The following GTF2I variants were observed in gnomAD, a reference collection of about 807,000 sequenced individuals.
The protein encoded by GTF2I is general transcription factor IIi.
GTF2I carries 12 observed loss-of-function variants against 67.6 expected under a neutral mutation model. The ratio of observed to expected loss-of-function variants is 0.18; its 90% CI spans 0.11 to 0.29. The LOEUF (loss-of-function observed/expected upper bound fraction) is 0.29, where lower values mean the gene tolerates loss of function less well. Ranked by LOEUF, GTF2I falls within the 10% of genes least tolerant of loss-of-function variation. GTF2I has a pLI of 1.00. For missense variants in GTF2I, 271 were observed against 580.1 expected (o/e 0.47, Z 5.47); for synonymous variants, 149 against 197.0 (o/e 0.76, Z 2.04).
intron 9 of GTF2I, among the ~76,000 whole-genome samples, chr7:74,712,879 A>G (rs1554402898): frequency 6.6e-6 from 1 of 152,184 alleles, no homozygotes; most frequent in East Asian, 1.9e-4. Flanking sequence ...GTTCTTCTAC[A>G]TAAAGACATT....
chr7:74,689,208 T>C lies in GTF2I; in HGVS notation c.80T>C (p.Met27Thr), dbSNP rs782199279. Residue 27 changes from methionine to threonine, a missense_variant, in exon 2 of 35, where the codon ATG (methionine) becomes ACG (threonine). Met to Thr is a moderately conservative substitution (Grantham distance 81, BLOSUM62 -1). Transcript: ENST00000573035. The part of the protein sequence containing the change: ...SESRMVVTFL[M>T]SALESMCKEL... ...AGCAGGATGGTGGTGACATTCCTCA[T>C]GTCAGCTCTCGAGTCCATGGTGAGG... is the stretch of plus-strand genomic sequence containing the variant. The C allele has an allele frequency of 1.2e-6, 2 of 1,606,538 alleles. No individual in the cohort carries two copies. The highest frequency in any genetic ancestry group is 2.2e-5 in the East Asian group (1 of 44,846).
At chr7:74,721,551 AT>A (rs1432951470) in intron 12 of GTF2I, among the ~76,000 whole-genome samples, 1 of 152,000 alleles carries the variant, frequency 6.6e-6, no homozygotes, top group Non-Finnish European at 1.5e-5. Flanking sequence ...TATATAAAAA[AT>A]ATGTATATTA....
chr7:74,710,694 A>G (rs1311191471), intron 8 of GTF2I, among the ~76,000 whole-genome samples: 1 of 152,340 alleles, frequency 6.6e-6, no homozygotes, highest in East Asian at 1.9e-4. Context: ...ACTGATGTTT[A>G]TAAGTGTGTT....
At position 74,666,044 on chromosome 7, in the gene GTF2I, T is replaced by C. The variant is rs587654753; in HGVS notation, c.-6+7976T>C. Among the ~76,000 whole-genome samples the C allele has an allele frequency of 2.0e-5, 3 of 152,312 alleles. No individual in the cohort carries two copies. The East Asian group carries it at 5.8e-4, about 29-fold the overall frequency. ...TTAGTAGAGAAGGGGTTTTACTATA[T>C]GTTGGCCAGGCTGGTCTGGAACCCC... is the stretch of plus-strand genomic sequence containing the variant. On this transcript the variant is annotated intron_variant, in intron 1 of 34. Coordinates refer to ENST00000573035, the MANE Select transcript of GTF2I (RefSeq NM_032999.4).
intron 3 of GTF2I, among the ~76,000 whole-genome samples, chr7:74,698,510 AG>A (rs587677283): frequency 2.9e-4 from 43 of 150,098 alleles, no homozygotes; most frequent in African/African-American, 1.0e-3. Context: ...TTAAACTTCT[AG>A]ACTCAAGCAG....
At chr7:74,671,828 A>G (rs1486527481) in intron 1 of GTF2I, among the ~76,000 whole-genome samples, 1 of 151,728 alleles carries the variant, frequency 6.6e-6, no homozygotes, top group Non-Finnish European at 1.5e-5. Flanking sequence ...CCAAAAAATC[A>G]AAAAAATTAG....
chr7:74,662,781 C>G (rs1804638001), intron 1 of GTF2I, among the ~76,000 whole-genome samples: 1 of 152,004 alleles, frequency 6.6e-6, no homozygotes, highest in Non-Finnish European at 1.5e-5. Flanking sequence ...CTAGGCCTCC[C>G]AAAGTGTTGG....
chr7:74,689,783 T>C (rs1278084313), intron 2 of GTF2I, among the ~76,000 whole-genome samples: 4 of 152,100 alleles, frequency 2.6e-5, no homozygotes, highest in Non-Finnish European at 5.9e-5. Flanking sequence ...TGGCATGATA[T>C]AGGCTCCCTG....
intron 1 of GTF2I, among the ~76,000 whole-genome samples, chr7:74,686,265 G>A (rs1787719581): frequency 6.6e-6 from 1 of 152,090 alleles, no homozygotes; most frequent in Admixed American, 6.6e-5. Context: ...GAAAAGTTGG[G>A]GTTTTCCTTT....
At chr7:74,676,664 C>G (rs1292451336) in intron 1 of GTF2I, among the ~76,000 whole-genome samples, 1 of 152,102 alleles carries the variant, frequency 6.6e-6, no homozygotes, top group African/African-American at 2.4e-5. Flanking sequence ...TAAATGTATA[C>G]TGACATTTTA....
At chr7:74,685,914 G>A (rs1554395405) in intron 1 of GTF2I, among the ~76,000 whole-genome samples, 2 of 152,084 alleles carry the variant, frequency 1.3e-5, no homozygotes, top group African/African-American at 4.8e-5. Flanking sequence ...TTAGCTGCGC[G>A]TGGTGGCGGG....
At position 74,700,368 on chromosome 7, in the gene GTF2I, T is replaced by C. The variant is rs782485177; in HGVS notation, c.495T>C (p.Tyr165=). The C allele has an allele frequency of 2.5e-6, 4 of 1,614,176 alleles. 1 individual carries two copies. The highest frequency in any genetic ancestry group is 3.4e-6 in the Non-Finnish European group (4 of 1,180,016). Residue 165 remains tyrosine, a synonymous_variant, in exon 5 of 35, where the codon TAT becomes TAC. Coordinates refer to ENST00000573035, the MANE Select transcript of GTF2I (RefSeq NM_032999.4). ...TTGCCTTTAAACACCCCGAGAACTA[T>C]GATCTTGCAACCCTGAAATGGATTT... ...EGVAFKHPEN[Y]DLATLKWILE...
intron 1 of GTF2I, among the ~76,000 whole-genome samples, chr7:74,683,048 A>G (rs1373081519): frequency 2.0e-5 from 3 of 152,208 alleles, no homozygotes; most frequent in Non-Finnish European, 4.4e-5. Context: ...ACTAACATAC[A>G]TTAATGTGAG....
intron 1 of GTF2I, among the ~76,000 whole-genome samples, chr7:74,680,114 A>ATATATATATATATG (rs1339021361): frequency 3.3e-5 from 4 of 121,460 alleles, no homozygotes; most frequent in African/African-American, 1.3e-4. Context: ...ATATATATAT[A>ATATATATATATATG]TATGTATGTA....
intron 9 of GTF2I, among the ~76,000 whole-genome samples, chr7:74,712,670 G>A (rs1216088824): frequency 1.4e-5 from 1 of 69,782 alleles, no homozygotes. Context: ...TTTTTTTTTT[G>A]GCGTGGGGGT....
intron 1 of GTF2I, among the ~76,000 whole-genome samples, chr7:74,673,188 T>C (rs1350477943): frequency 6.6e-6 from 1 of 152,150 alleles, no homozygotes; most frequent in Non-Finnish European, 1.5e-5. Context: ...GCTACCTGCA[T>C]TAACATCTTT....
chr7:74,711,099 TA>T lies in GTF2I; in HGVS notation c.755del (p.Asn252ThrfsTer60). 7.1e-7 allele frequency: 1 copy of T among 1,418,270 alleles called. No individual in the cohort carries two copies. Among genetic ancestry groups the T allele is most frequent in the Non-Finnish European group, 9.7e-7 (1 of 1,026,886 alleles). 87.9% of individuals were successfully genotyped at this position (1,418,270 alleles called of 1,614,324 possible). Reference protein sequence around the residue: ...ESEDPDYYQYNIQAGPSETDD... With the variant: ...ESEDPDYYQYXIQAGPSETDD... ...CAGAAGATCCTGATTATTATCAATA[TA>T]ACATTCAAGGTAATTTGAATTAATG... On this transcript the variant is annotated frameshift_variant, in exon 9 of 35. Transcript: ENST00000573035. LOFTEE classifies it high-confidence loss of function.
intron 1 of GTF2I, among the ~76,000 whole-genome samples, chr7:74,672,274 C>T (rs1286618787): frequency 6.6e-6 from 1 of 152,130 alleles, no homozygotes; most frequent in African/African-American, 2.4e-5. Context: ...CACGATGGCT[C>T]TCGCCAGTAA....
intron 5 of GTF2I, 63 bp from the exon 6 acceptor site, chr7:74,700,543 T>G (rs1363324163): frequency 6.9e-6 from 11 of 1,599,752 alleles, no homozygotes; most frequent in Non-Finnish European, 7.7e-6. Flanking sequence ...GTCATTTAAA[T>G]GTATGCTTTA....
Sources: gnomAD v4.1 joint callset for allele counts (sites outside exome capture counted in the v4.1 genomes callset) on GRCh38, gnomAD v4.1.1 for gene constraint, MANE v1.5 for transcripts, NCBI Gene and HGNC (gene_info 2026-07-23, HGNC 2026-07-21) for gene names.